The following SYNE2 variants were observed in gnomAD, a reference collection of about 807,000 sequenced individuals.
SYNE2 encodes the protein nesprin-2.
SYNE2 carries 431 observed loss-of-function variants against 856.3 expected under a neutral mutation model. That is an observed-to-expected ratio of 0.50 (90% CI 0.47 to 0.55). The LOEUF is 0.55. Ranked by LOEUF, SYNE2 falls within the 20% of genes least tolerant of loss-of-function variation. The pLI is 0.00. For missense variants in SYNE2, 8,129 were observed against 8,023.2 expected (o/e 1.01, Z -0.50); for synonymous variants, 2,923 against 2,872.3 (o/e 1.02, Z -0.56).
At chr14:63,907,754 G>C (rs1446431448) in intron 1 of SYNE2, among the ~76,000 whole-genome samples, 1 of 152,136 alleles carries the variant, frequency 6.6e-6, no homozygotes, top group African/African-American at 2.4e-5. Context: ...TCGCAAAGCT[G>C]AGGATGTTTG....
upstream of SYNE2, among the ~76,000 whole-genome samples, chr14:63,851,230 G>A (rs760632154): frequency 1.4e-4 from 22 of 152,000 alleles, no homozygotes; most frequent in Admixed American, 3.3e-4. Context: ...GCATGGTGGC[G>A]GGCGCCTGTA....
rs746161310 is a variant in SYNE2 at position 64,221,566 on chromosome 14, G to GT, written c.20062-4dup. On this transcript the variant is annotated splice_polypyrimidine_tract_variant and intron_variant, in intron 111 of 115. Transcript: ENST00000555002. ...AGACACGGCCGCGCTCTGATGTGTT[G>GT]TTTTTTAAGGACTTCCACCAGTTGA... is the stretch of plus-strand genomic sequence containing the variant. 16 of 1,614,068 alleles carry GT rather than the reference G, an allele frequency of 9.9e-6. No individual in the cohort carries two copies. The Admixed American group carries it at 1.5e-4, about 15-fold the overall frequency.
intron 1 of SYNE2, among the ~76,000 whole-genome samples, chr14:63,798,197 G>A (rs867517825): frequency 1.3e-5 from 2 of 151,820 alleles, no homozygotes; most frequent in South Asian, 2.1e-4. Context: ...ACACCACCAC[G>A]CTCAGCTGTT....
At chr14:64,045,743 G>A (rs749039393) in intron 45 of SYNE2, among the ~76,000 whole-genome samples, 4 of 152,206 alleles carry the variant, frequency 2.6e-5, no homozygotes, top group Non-Finnish European at 4.4e-5. Flanking sequence ...TGCCAATTAA[G>A]TACTTCAAAA....
At chr14:64,117,502 GC>G (rs771847915) in intron 66 of SYNE2, among the ~76,000 whole-genome samples, 1 of 152,004 alleles carries the variant, frequency 6.6e-6, no homozygotes, top group Non-Finnish European at 1.5e-5. Context: ...TCACTGTGTT[GC>G]CCAGGCTGGT....
At chr14:64,068,791 G>T (rs572636077) in intron 51 of SYNE2, among the ~76,000 whole-genome samples, 1 of 151,266 alleles carries the variant, frequency 6.6e-6, no homozygotes, top group East Asian at 2.0e-4. Flanking sequence ...AACCTAGGGC[G>T]TGGGAGGTTA....
intron 1 of SYNE2, among the ~76,000 whole-genome samples, chr14:63,906,723 A>T (rs1246886586): frequency 6.6e-6 from 1 of 152,198 alleles, no homozygotes; most frequent in African/African-American, 2.4e-5. Context: ...TGTCCAAATA[A>T]TGCTAATTCT....
chr14:64,110,204 G>T (rs1424983190), intron 65 of SYNE2, among the ~76,000 whole-genome samples: 1 of 152,132 alleles, frequency 6.6e-6, no homozygotes, highest in Non-Finnish European at 1.5e-5. Flanking sequence ...AAATGTAAAG[G>T]TTTGCTATTT....
At chr14:64,207,385 G>T (rs1328190371) in intron 100 of SYNE2, among the ~76,000 whole-genome samples, 1 of 152,066 alleles carries the variant, frequency 6.6e-6, no homozygotes, top group Non-Finnish European at 1.5e-5. Context: ...GGCCAGCCTG[G>T]ACAACATGGT....
At chr14:63,830,727 TATTA>T (rs1296237686) in intron 1 of SYNE2, among the ~76,000 whole-genome samples, 2 of 152,054 alleles carry the variant, frequency 1.3e-5, no homozygotes, top group Non-Finnish European at 2.9e-5. Flanking sequence ...TTCGAATACT[TATTA>T]ATAACAGTTT....
chr14:64,218,160 C>G, intron 108 of SYNE2: 11 of 480,482 alleles, frequency 2.3e-5, no homozygotes, highest in South Asian at 2.3e-4. Context: ...CTTCCCATCA[C>G]TGACATCTCA....
chr14:64,064,542 A>ATTTTT (rs369447974), intron 50 of SYNE2, among the ~76,000 whole-genome samples: 2 of 103,604 alleles, frequency 1.9e-5, no homozygotes, highest in Non-Finnish European at 1.8e-5. Flanking sequence ...GTACTTTTAG[A>ATTTTT]TTTTTTTTTT....
chr14:64,185,992 A>G (rs1255983), intron 96 of SYNE2, among the ~76,000 whole-genome samples: 9,727 of 152,310 alleles, frequency 0.064, 553 homozygotes, highest in East Asian at 0.34. Flanking sequence ...CGTGATTGCC[A>G]CAATAGCAGC....
At chr14:64,010,187 A>G in intron 32 of SYNE2, 71 bp downstream of exon 32, 1 of 1,466,096 alleles carries the variant, frequency 6.8e-7, no homozygotes, top group Non-Finnish European at 9.4e-7. Flanking sequence ...AAGAGATATT[A>G]TAGATTAAGT....
intron 105 of SYNE2, 135 bp from the exon 106 acceptor site, chr14:64,214,059 A>G (rs1284013804): frequency 1.5e-5 from 21 of 1,359,228 alleles, no homozygotes; most frequent in Non-Finnish European, 1.7e-5. Flanking sequence ...TGGGAACCTG[A>G]TCTTTTTAAA....
rs201823701 is a variant in SYNE2, at chr14:64,163,566, A to T, written c.16464A>T (p.Lys5488Asn). Residue 5488 changes from lysine to asparagine, a missense_variant, in exon 89 of 116, where the codon AAA (lysine) becomes AAT (asparagine). Lys to Asn is a moderately conservative substitution (Grantham distance 94). Transcript: ENST00000555002. ...AAYLEKMLLV[K>N]ANEFEFVLSQ... Reference sequence around the variant, plus strand: ...ATTTGGAAAAGATGCTGCTTGTGAAAGCAAATGAATTTGAGGTTCATCTTT... The same window carrying T: ...ATTTGGAAAAGATGCTGCTTGTGAATGCAAATGAATTTGAGGTTCATCTTT... 2.5e-6 allele frequency: 4 copies of T among 1,614,158 alleles called. No individual in the cohort carries two copies. The African/African-American group carries it at 5.3e-5, about 22-fold the overall frequency.
chr14:64,064,407 C>T (rs1211573798), intron 50 of SYNE2, among the ~76,000 whole-genome samples: 1 of 152,130 alleles, frequency 6.6e-6, no homozygotes, highest in Non-Finnish European at 1.5e-5. Context: ...ACAAATAAAA[C>T]ATACATTTTA....
chr14:64,199,288 C>T lies in SYNE2; in HGVS notation c.18039-3513C>T, dbSNP rs184082357. ...GGATTATGTGAGAGGATGGGTAGTG[C>T]TTAAGAACAGCAGCTCCAGACCAGA... On this transcript the variant is annotated intron_variant, in intron 99 of 115. Transcript: ENST00000555002. 3.3e-5 allele frequency among the ~76,000 whole-genome samples: 5 copies of T among 152,274 alleles called. No homozygotes were observed. In the East Asian group the frequency reaches 9.6e-4, roughly 29 times the overall value.
At chr14:63,951,319 T>C (rs2096154451) in intron 7 of SYNE2, among the ~76,000 whole-genome samples, 2 of 152,028 alleles carry the variant, frequency 1.3e-5, no homozygotes, top group Admixed American at 6.6e-5. Context: ...TTCTTTTTTT[T>C]GAGAGAGAGT....
Sources: allele counts gnomAD v4.1 joint callset (sites outside exome capture counted in the v4.1 genomes callset), GRCh38; gene constraint gnomAD v4.1.1; transcripts MANE v1.5; gene names NCBI Gene and HGNC (gene_info 2026-07-23, HGNC 2026-07-21).